The following PRKG1 variants were observed in gnomAD, a reference collection of about 807,000 sequenced individuals.
PRKG1 encodes the protein protein kinase cGMP-dependent 1.
PRKG1 carries 35 observed loss-of-function variants against 88.1 expected under a neutral mutation model. The ratio of observed to expected loss-of-function variants is 0.40; its 90% CI spans 0.30 to 0.53. The LOEUF (loss-of-function observed/expected upper bound fraction) is 0.53, where lower values mean the gene tolerates loss of function less well. Among genes scored for constraint, PRKG1 ranks in the 20% least tolerant of loss-of-function variants. The probability of loss-of-function intolerance (pLI) is 0.59; values close to 1 mark genes in which losing one functional copy is unlikely to be tolerated. For synonymous variants in PRKG1, 303 were observed against 292.5 expected (o/e 1.04, Z -0.37); for missense variants, 540 against 839.8 (o/e 0.64, Z 4.41).
chr10:51,043,669 C>G (rs1274902517), intron 1 of PRKG1, among the ~76,000 whole-genome samples: 2 of 152,202 alleles, frequency 1.3e-5, no homozygotes, highest in Admixed American at 1.3e-4. Context: ...ACCTATACCA[C>G]AAACTCCACA....
intron 4 of PRKG1, among the ~76,000 whole-genome samples, chr10:51,830,630 C>T (rs1839983343): frequency 6.9e-6 from 1 of 145,000 alleles, no homozygotes; most frequent in South Asian, 2.2e-4. Flanking sequence ...GGCACAATCT[C>T]GGCTCACTGC....
At chr10:51,741,419 A>G (rs1342105673) in intron 3 of PRKG1, among the ~76,000 whole-genome samples, 1 of 152,032 alleles carries the variant, frequency 6.6e-6, no homozygotes, top group Admixed American at 6.6e-5. Flanking sequence ...CTTTACTAAA[A>G]TCTCCCCTGT....
chr10:51,716,411 T>TC (rs1841888313), intron 3 of PRKG1, among the ~76,000 whole-genome samples: 1 of 152,148 alleles, frequency 6.6e-6, no homozygotes, highest in Non-Finnish European at 1.5e-5. Context: ...ATCTGGACAG[T>TC]CATGTACCCC....
intron 5 of PRKG1, among the ~76,000 whole-genome samples, chr10:51,957,298 C>G (rs955862730): frequency 4.0e-5 from 3 of 74,578 alleles, no homozygotes; most frequent in Non-Finnish European, 8.3e-5. Flanking sequence ...TTTTTTTTTT[C>G]TTTTCTCTTC....
At chr10:52,276,884 G>C (rs1298824498) in intron 12 of PRKG1, among the ~76,000 whole-genome samples, 2 of 152,162 alleles carry the variant, frequency 1.3e-5, no homozygotes, top group Non-Finnish European at 2.9e-5. Flanking sequence ...TACATCACAT[G>C]TTTAGTGATG....
In PRKG1 at chr10:51,430,170, C is replaced by A. The variant is rs1588950341; in HGVS notation, c.479-37553C>A. The stretch of plus-strand genomic sequence containing the variant: ...GTGGCTCATGCCTGTAATCTCAGCA[C>A]TTTTGGAGGCTGAGACAGGAGGATT... On this transcript the variant is annotated intron_variant, in intron 2 of 17. Transcript: ENST00000373980. Among the ~76,000 whole-genome samples, 3 of 149,860 alleles carry A rather than the reference C, an allele frequency of 2.0e-5. No individual in the cohort carries two copies. In the East Asian group the frequency reaches 5.9e-4, roughly 29 times the overall value.
chr10:51,612,101 G>A (rs748661418), intron 3 of PRKG1, among the ~76,000 whole-genome samples: 1 of 151,936 alleles, frequency 6.6e-6, no homozygotes, highest in East Asian at 1.9e-4. Context: ...TTTTACTTGG[G>A]ATTGCTTTGG....
At chr10:52,270,515 A>G (rs1242449935) in intron 10 of PRKG1, among the ~76,000 whole-genome samples, 3 of 152,050 alleles carry the variant, frequency 2.0e-5, no homozygotes, top group African/African-American at 4.8e-5. Context: ...TGTGGCACAT[A>G]TACACCATGG....
intron 5 of PRKG1, among the ~76,000 whole-genome samples, chr10:52,004,051 C>T (rs905033602): frequency 4.6e-5 from 7 of 152,096 alleles, no homozygotes; most frequent in African/African-American, 1.4e-4. Flanking sequence ...GCTTTTTGCA[C>T]GTAATAAGCA....
At chr10:51,191,595 G>C (rs1298081123) in intron 2 of PRKG1, among the ~76,000 whole-genome samples, 1 of 151,748 alleles carries the variant, frequency 6.6e-6, no homozygotes, top group Non-Finnish European at 1.5e-5. Flanking sequence ...AGACTTATTA[G>C]TGGCCAGATA....
At chr10:51,765,189 A>G in intron 3 of PRKG1, among the ~76,000 whole-genome samples, 1 of 152,196 alleles carries the variant, frequency 6.6e-6, no homozygotes, top group South Asian at 2.1e-4. Flanking sequence ...GTATACCTTA[A>G]TCCATAGAAT....
chr10:51,146,131 G>A (rs931873791), intron 1 of PRKG1, among the ~76,000 whole-genome samples: 1 of 151,962 alleles, frequency 6.6e-6, no homozygotes, highest in African/African-American at 2.4e-5. Context: ...GGAGCTTGCA[G>A]TGAGTCCAGA....
intron 5 of PRKG1, among the ~76,000 whole-genome samples, chr10:51,941,125 T>C (rs12246497): frequency 1.4e-5 from 2 of 147,912 alleles, no homozygotes; most frequent in African/African-American, 2.5e-5. Flanking sequence ...ACAGAGCATC[T>C]TAGAATCAGT....
At chr10:52,132,837 G>T (rs114968092) in intron 7 of PRKG1, among the ~76,000 whole-genome samples, 1 of 151,954 alleles carries the variant, frequency 6.6e-6, no homozygotes, top group Non-Finnish European at 1.5e-5. Context: ...GTGTACTTAG[G>T]TGTACATAGT....
chr10:51,392,897 CGGGTGGGGGGCTG>C (rs1837459139), intron 2 of PRKG1, among the ~76,000 whole-genome samples: 2 of 113,450 alleles, frequency 1.8e-5, no homozygotes, highest in African/African-American at 3.3e-5. Context: ...GGCGGCTGGC[CGGGTGGGGGGCTG>C]ACCACCCCCA....
chr10:51,633,366 C>G (rs1318071272), intron 3 of PRKG1, among the ~76,000 whole-genome samples: 1 of 152,048 alleles, frequency 6.6e-6, no homozygotes, highest in East Asian at 1.9e-4. Flanking sequence ...CCCTTTCTAA[C>G]AGTTTAGCTG....
At chr10:52,031,105 C>T (rs1032110038) in intron 5 of PRKG1, among the ~76,000 whole-genome samples, 1 of 151,968 alleles carries the variant, frequency 6.6e-6, no homozygotes, top group African/African-American at 2.4e-5. Context: ...CATTGATCCA[C>T]ACAGAACCAG....
At chr10:51,840,328 T>A (rs1029177105) in intron 4 of PRKG1, among the ~76,000 whole-genome samples, 1 of 152,148 alleles carries the variant, frequency 6.6e-6, no homozygotes, top group East Asian at 1.9e-4. Context: ...TTTCATTTTT[T>A]AAAAGATTTG....
chr10:51,831,570 C>T (rs890246461), intron 4 of PRKG1, among the ~76,000 whole-genome samples: 81 of 152,242 alleles, frequency 5.3e-4, no homozygotes, highest in African/African-American at 1.7e-3. Flanking sequence ...ATGGCTGCTC[C>T]GTAAATTTTT....
Sources: allele counts gnomAD v4.1 joint callset (sites outside exome capture counted in the v4.1 genomes callset), GRCh38; gene constraint gnomAD v4.1.1; transcripts MANE v1.5; gene names NCBI Gene and HGNC (gene_info 2026-07-23, HGNC 2026-07-21).